SYT14: variants seen among roughly 807,000 people sequenced by gnomAD.
SYT14 encodes synaptotagmin 14, also known as synaptotagmin-14.
In SYT14, 32 loss-of-function variants were observed where a neutral mutation model predicts 74.2. The observed-to-expected ratio is 0.43, with a 90% CI of 0.33 to 0.58. SYT14 has a LOEUF of 0.58. SYT14 is among the 20% of genes least tolerant of loss of function. The pLI is 0.05. For synonymous variants in SYT14, 298 were observed against 337.7 expected (o/e 0.88, Z 1.29); for missense variants, 791 against 981.8 (o/e 0.81, Z 2.60).
intron 7 of SYT14, among the ~76,000 whole-genome samples, chr1:210,152,266 G>A (rs1345262088): frequency 1.3e-5 from 2 of 152,096 alleles, no homozygotes; most frequent in Non-Finnish European, 2.9e-5. Context: ...TTACCCTTCT[G>A]TATATTAGTC....
chr1:209,972,073 G>A (rs1371062406), intron 2 of SYT14, among the ~76,000 whole-genome samples: 1 of 151,994 alleles, frequency 6.6e-6, no homozygotes, highest in Non-Finnish European at 1.5e-5. Flanking sequence ...ACTTGATGTT[G>A]GTCTGTTCAA....
At chr1:210,132,779 G>C (rs1431857887) in intron 7 of SYT14, among the ~76,000 whole-genome samples, 1 of 152,052 alleles carries the variant, frequency 6.6e-6, no homozygotes, top group African/African-American at 2.4e-5. Flanking sequence ...AAACTGAGTG[G>C]TGGAACTGTC....
exon 10 of SYT14, chr1:210,163,323 T>C (rs1307183900): frequency 4.4e-6 from 2 of 453,760 alleles, no homozygotes; most frequent in South Asian, 3.1e-5. Flanking sequence ...GGGATTTATC[T>C]GGCATAAGTA....
chr1:209,957,948 CTTCT>C (rs1279927342), intron 2 of SYT14, among the ~76,000 whole-genome samples: 1 of 151,610 alleles, frequency 6.6e-6, no homozygotes, highest in Non-Finnish European at 1.5e-5. Flanking sequence ...CCCCTCCTTC[CTTCT>C]TTCTCTCTGT....
intron 7 of SYT14, among the ~76,000 whole-genome samples, chr1:210,123,256 C>A (rs2082503009): frequency 1.3e-5 from 2 of 151,698 alleles, no homozygotes; most frequent in Non-Finnish European, 2.9e-5. Context: ...ACATTTATAC[C>A]CATGAAGTCT....
chr1:210,078,926 C>G (rs1331507630), intron 5 of SYT14, among the ~76,000 whole-genome samples: 1 of 149,644 alleles, frequency 6.7e-6, no homozygotes, highest in East Asian at 2.0e-4. Context: ...TTTTTTTTTT[C>G]AATCTTTTTG....
At chr1:209,968,536 T>G (rs866801562) in intron 2 of SYT14, among the ~76,000 whole-genome samples, 5 of 152,214 alleles carry the variant, frequency 3.3e-5, no homozygotes, top group South Asian at 2.1e-4. Context: ...GCTCCGCATA[T>G]TCATCCCTTT....
At chr1:210,087,364 C>T (rs1378073928) in intron 5 of SYT14, among the ~76,000 whole-genome samples, 10 of 152,206 alleles carry the variant, frequency 6.6e-5, no homozygotes, top group African/African-American at 4.8e-5. Context: ...CCTCCTCACC[C>T]TCCTGGATTT....
intron 2 of SYT14, among the ~76,000 whole-genome samples, chr1:210,009,596 G>A (rs1214646725): frequency 1.3e-5 from 2 of 151,890 alleles, no homozygotes; most frequent in Non-Finnish European, 2.9e-5. Flanking sequence ...CCTGGCACCT[G>A]CATTTGCCAG....
At chr1:209,974,196 G>A (rs2102765631) in intron 2 of SYT14, among the ~76,000 whole-genome samples, 1 of 152,164 alleles carries the variant, frequency 6.6e-6, no homozygotes, top group Middle Eastern at 3.4e-3. Context: ...CTTTTGCTGT[G>A]CAGAAGCTTT....
intron 2 of SYT14, among the ~76,000 whole-genome samples, chr1:210,001,109 T>C (rs2102878876): frequency 6.6e-6 from 1 of 152,278 alleles, no homozygotes; most frequent in East Asian, 1.9e-4. Context: ...GTGCTGAAAA[T>C]AAAACAAGCA....
chr1:210,105,810 C>T (rs2082147135), intron 7 of SYT14, among the ~76,000 whole-genome samples: 1 of 152,128 alleles, frequency 6.6e-6, no homozygotes, highest in African/African-American at 2.4e-5. Flanking sequence ...AATTATTTCT[C>T]ATGAGATCTG....
At chr1:210,088,941 A>T (rs1208941110) in intron 5 of SYT14, among the ~76,000 whole-genome samples, 1 of 151,938 alleles carries the variant, frequency 6.6e-6, no homozygotes, top group East Asian at 1.9e-4. Context: ...CAGGTTTGTT[A>T]CATAGATATA....
At chr1:210,107,652 G>A (rs1266911053) in intron 7 of SYT14, among the ~76,000 whole-genome samples, 1 of 152,066 alleles carries the variant, frequency 6.6e-6, no homozygotes, top group Non-Finnish European at 1.5e-5. Flanking sequence ...AAAATAATCA[G>A]CAAGGAAGAA....
At chr1:210,121,140 G>A (rs1021356201) in intron 7 of SYT14, among the ~76,000 whole-genome samples, 2 of 152,108 alleles carry the variant, frequency 1.3e-5, no homozygotes, top group Non-Finnish European at 2.9e-5. Flanking sequence ...AGATAGTAAC[G>A]ATAATAGCTA....
intron 7 of SYT14, among the ~76,000 whole-genome samples, chr1:210,101,556 A>G (rs1421878799): frequency 6.6e-6 from 1 of 152,088 alleles, no homozygotes; most frequent in Non-Finnish European, 1.5e-5. Flanking sequence ...GGTTTCTAGG[A>G]TAAGACTTAA....
intron 7 of SYT14, among the ~76,000 whole-genome samples, chr1:210,143,380 G>C (rs1274981466): frequency 1.3e-5 from 2 of 152,146 alleles, no homozygotes; most frequent in Non-Finnish European, 2.9e-5. Flanking sequence ...TTTTCACCAT[G>C]TGTCAGCAGC....
intron 2 of SYT14, among the ~76,000 whole-genome samples, chr1:209,970,684 T>TA (rs1558100285): frequency 3.0e-4 from 21 of 70,564 alleles, no homozygotes; most frequent in African/African-American, 9.4e-4. Context: ...TTTTTTTTTT[T>TA]TTTTTTTTTT....
exon 10 of SYT14, chr1:210,168,391 T>G (rs2083479095): frequency 6.6e-6 from 1 of 152,206 alleles, no homozygotes; most frequent in Admixed American, 6.5e-5. Flanking sequence ...AAATCCAGTT[T>G]GTACTGTTAG....
Sources: gnomAD v4.1 joint callset for allele counts (sites outside exome capture counted in the v4.1 genomes callset) on GRCh38, gnomAD v4.1.1 for gene constraint, MANE v1.5 for transcripts, NCBI Gene and HGNC (gene_info 2026-07-23, HGNC 2026-07-21) for gene names.